LRRTM4: variants seen among roughly 807,000 people sequenced by gnomAD.
LRRTM4 encodes the protein leucine-rich repeat transmembrane neuronal protein 4.
LRRTM4 carries 25 observed loss-of-function variants against 47.6 expected under a neutral mutation model. That is an observed-to-expected ratio of 0.53 (90% CI 0.38 to 0.73). LRRTM4 has a LOEUF of 0.73. LRRTM4 is among the 30% of genes least tolerant of loss of function. The pLI is 0.00. For missense variants in LRRTM4, 638 were observed against 713.4 expected, an observed-to-expected ratio of 0.89 and a Z score of 1.20; for synonymous variants, 311 against 269.5, an observed-to-expected ratio of 1.15 and a Z score of -1.51.
At chr2:77,069,754 T>C (rs1426218501) in intron 3 of LRRTM4, among the ~76,000 whole-genome samples, 3 of 152,172 alleles carry the variant, frequency 2.0e-5, no homozygotes, top group Non-Finnish European at 4.4e-5. Context: ...CAACTCTGTA[T>C]ATGTGGGTGG....
chr2:77,353,790 T>C (rs1396145278), intron 3 of LRRTM4, among the ~76,000 whole-genome samples: 2 of 152,172 alleles, frequency 1.3e-5, no homozygotes, highest in Non-Finnish European at 1.5e-5. Flanking sequence ...CCCCAACTGA[T>C]ATGAAATGCA....
intron 3 of LRRTM4, among the ~76,000 whole-genome samples, chr2:76,805,538 C>T (rs72815467): frequency 0.16 from 23,833 of 151,922 alleles, 2,021 homozygotes; most frequent in African/African-American, 0.2. Context: ...TAGATCAAAC[C>T]TACTGAAAAT....
intron 3 of LRRTM4, among the ~76,000 whole-genome samples, chr2:77,131,454 G>A (rs1020535016): frequency 3.3e-5 from 5 of 152,292 alleles, no homozygotes; most frequent in African/African-American, 1.2e-4. Flanking sequence ...AATTGATGGA[G>A]TTAGCCTGTC....
chr2:77,026,713 T>C (rs1199975710), intron 3 of LRRTM4, among the ~76,000 whole-genome samples: 2 of 152,010 alleles, frequency 1.3e-5, no homozygotes, highest in Non-Finnish European at 2.9e-5. Context: ...GTTTGCCTAT[T>C]ATACACATAT....
At chr2:76,789,264 G>A (rs955512252) in intron 3 of LRRTM4, among the ~76,000 whole-genome samples, 1 of 152,126 alleles carries the variant, frequency 6.6e-6, no homozygotes, top group African/African-American at 2.4e-5. Flanking sequence ...AATACAAACA[G>A]CAGGGAGAAC....
intron 3 of LRRTM4, among the ~76,000 whole-genome samples, chr2:77,114,730 G>A (rs1558587179): frequency 6.6e-6 from 1 of 152,132 alleles, no homozygotes; most frequent in African/African-American, 2.4e-5. Context: ...TCACATATTG[G>A]TAGGACCATG....
At chr2:77,249,452 A>G (rs1675542510) in intron 3 of LRRTM4, among the ~76,000 whole-genome samples, 1 of 151,862 alleles carries the variant, frequency 6.6e-6, no homozygotes, top group African/African-American at 2.4e-5. Context: ...AATATTTGCA[A>G]AAGACATATC....
chr2:77,132,930 G>A (rs776457615), intron 3 of LRRTM4, among the ~76,000 whole-genome samples: 4 of 152,132 alleles, frequency 2.6e-5, no homozygotes, highest in Non-Finnish European at 5.9e-5. Context: ...GAAGAAGATA[G>A]ATAAAATGCA....
intron 3 of LRRTM4, among the ~76,000 whole-genome samples, chr2:77,010,790 A>T (rs1429088387): frequency 6.6e-6 from 1 of 152,086 alleles, no homozygotes; most frequent in African/African-American, 2.4e-5. Context: ...TAAATAAATA[A>T]TGAATCCACT....
chr2:76,848,042 A>AT (rs1671888097), intron 3 of LRRTM4, among the ~76,000 whole-genome samples: 1 of 152,034 alleles, frequency 6.6e-6, no homozygotes, highest in Non-Finnish European at 1.5e-5. Flanking sequence ...CCATGTTGGC[A>AT]TTTTTCCATC....
At chr2:77,278,064 G>A (rs1293329698) in intron 3 of LRRTM4, among the ~76,000 whole-genome samples, 1 of 151,872 alleles carries the variant, frequency 6.6e-6, no homozygotes, top group African/African-American at 2.4e-5. Flanking sequence ...GGAGAGATGT[G>A]GCATTTTACT....
chr2:77,105,978 C>G (rs993120852), intron 3 of LRRTM4, among the ~76,000 whole-genome samples: 5 of 152,098 alleles, frequency 3.3e-5, no homozygotes, highest in African/African-American at 1.2e-4. Context: ...TGAAATTCAC[C>G]ATCTCCAACT....
chr2:77,077,303 C>A (rs1469322400), intron 3 of LRRTM4, among the ~76,000 whole-genome samples: 1 of 152,084 alleles, frequency 6.6e-6, no homozygotes, highest in Non-Finnish European at 1.5e-5. Context: ...TATAATCAAT[C>A]TGAAGATGTG....
intron 3 of LRRTM4, among the ~76,000 whole-genome samples, chr2:77,078,006 G>C (rs1177820879): frequency 6.6e-6 from 1 of 152,154 alleles, no homozygotes; most frequent in Non-Finnish European, 1.5e-5. Flanking sequence ...TTGAATCCCA[G>C]TTTTTCACTA....
intron 3 of LRRTM4, among the ~76,000 whole-genome samples, chr2:77,210,306 T>C (rs901521276): frequency 1.3e-5 from 2 of 152,190 alleles, no homozygotes; most frequent in African/African-American, 4.8e-5. Flanking sequence ...CTTACAGTTC[T>C]AGAAGTTATC....
intron 3 of LRRTM4, among the ~76,000 whole-genome samples, chr2:77,165,878 G>A (rs540939427): frequency 6.6e-6 from 1 of 152,250 alleles, no homozygotes; most frequent in South Asian, 2.1e-4. Flanking sequence ...AAAACTGGAA[G>A]CATTCCCTTT....
rs558426650 is a variant in LRRTM4 at position 77,289,308 on chromosome 2, G to A, written c.1551+229010C>T. On this transcript the variant is annotated intron_variant, in intron 3 of 3. Transcript: ENST00000409884. ...TTATTTTTAAAAGGAAAATTTGAAA[G>A]GTAATGGATTTATCTATCCCTAACA... Among the ~76,000 whole-genome samples, 96 of 152,018 alleles carry A rather than the reference G, an allele frequency of 6.3e-4. 1 individual carries two copies. Among genetic ancestry groups the A allele is most frequent in the Middle Eastern group, 3.4e-3 (1 of 294 alleles).
At chr2:76,797,765 G>A (rs1041514450) in intron 3 of LRRTM4, among the ~76,000 whole-genome samples, 30 of 150,660 alleles carry the variant, frequency 2.0e-4, no homozygotes, top group Middle Eastern at 3.4e-3. Context: ...AAAAGGATGG[G>A]GGAAGATCTA....
At chr2:77,112,599 A>AT (rs11389099) in intron 3 of LRRTM4, among the ~76,000 whole-genome samples, 28,062 of 146,976 alleles carry the variant, frequency 0.19, 5,329 homozygotes, top group African/African-American at 0.49. Flanking sequence ...GCAAGGAGGG[A>AT]TTTTTTTTTT....
Sources: allele counts gnomAD v4.1 joint callset (sites outside exome capture counted in the v4.1 genomes callset), GRCh38; gene constraint gnomAD v4.1.1; transcripts MANE v1.5; gene names NCBI Gene and HGNC (gene_info 2026-07-23, HGNC 2026-07-21).